POU2F1: variants seen among roughly 807,000 people sequenced by gnomAD.
The protein encoded by POU2F1 is POU class 2 homeobox 1, also known as POU domain, class 2, transcription factor 1.
In POU2F1, 16 loss-of-function variants were observed where a neutral mutation model predicts 84.9. That is an observed-to-expected ratio of 0.19 (90% CI 0.13 to 0.29). POU2F1 has a LOEUF of 0.29. Ranked by LOEUF, POU2F1 falls within the 10% of genes least tolerant of loss-of-function variation. The pLI is 1.00. For missense variants in POU2F1, 738 were observed against 942.6 expected (o/e 0.78, Z 2.84); for synonymous variants, 368 against 368.3 (o/e 1.00, Z 0.01).
rs991447612 is a variant in POU2F1 at position 167,387,619 on chromosome 1, C to G, written c.814-1969C>G. On this transcript the variant is annotated intron_variant, in intron 8 of 15. Transcript: ENST00000367866. Reference sequence around the variant, plus strand: ...TAAAGGTCAGGCTTATATAACTCATCTAAATTTGAAGAAGAAAAATTCACA... The same window carrying G: ...TAAAGGTCAGGCTTATATAACTCATGTAAATTTGAAGAAGAAAAATTCACA... Among the ~76,000 whole-genome samples the G allele has an allele frequency of 4.6e-5, 7 of 152,168 alleles. No individual in the cohort carries two copies. In the East Asian group the frequency reaches 1.3e-3, roughly 29 times the overall value.
intron 7 of POU2F1, among the ~76,000 whole-genome samples, chr1:167,378,304 C>T (rs542243832): frequency 1.7e-4 from 26 of 152,230 alleles, no homozygotes; most frequent in Admixed American, 4.6e-4. Context: ...GGCACGATCT[C>T]GGCCCACCGC....
intron 1 of POU2F1, among the ~76,000 whole-genome samples, chr1:167,276,849 A>G (rs1205134187): frequency 6.6e-6 from 1 of 152,130 alleles, no homozygotes. Flanking sequence ...AGTAGATAGA[A>G]CAAAAAAGAT....
chr1:167,412,346 C>A lies in POU2F1; in HGVS notation c.1901+42C>A. ...TCTCATTCACGTCTGAGGTGGAGGT[C>A]ATCCCTGGAATTACTCACAGGGGAG... is the stretch of plus-strand genomic sequence containing the variant. On this transcript the variant is annotated intron_variant, in intron 14 of 15. Transcript: ENST00000367866. 3 of 1,462,608 alleles carry A rather than the reference C, an allele frequency of 2.1e-6. No individual in the cohort carries two copies. The South Asian group carries it at 4.1e-5, about 20-fold the overall frequency. 90.6% of individuals were successfully genotyped at this position (1,462,608 alleles called of 1,614,324 possible).
intron 1 of POU2F1, among the ~76,000 whole-genome samples, chr1:167,264,392 C>T (rs1213981404): frequency 6.6e-6 from 1 of 151,888 alleles, no homozygotes; most frequent in Non-Finnish European, 1.5e-5. Flanking sequence ...TAGATGACCT[C>T]AAAGGTCAGT....
At chr1:167,238,773 T>G (rs969470342) in intron 1 of POU2F1, among the ~76,000 whole-genome samples, 1 of 152,248 alleles carries the variant, frequency 6.6e-6, no homozygotes, top group Non-Finnish European at 1.5e-5. Flanking sequence ...TAGGGTAGGT[T>G]ATCAAGAAAT....
At chr1:167,315,107 A>G (rs562048031) in intron 1 of POU2F1, among the ~76,000 whole-genome samples, 4 of 152,292 alleles carry the variant, frequency 2.6e-5, no homozygotes, top group South Asian at 2.1e-4. Context: ...AGATGCTGCT[A>G]TGTTGCCTAT....
At chr1:167,341,665 G>GTC (rs1442320972) in intron 2 of POU2F1, among the ~76,000 whole-genome samples, 1 of 152,176 alleles carries the variant, frequency 6.6e-6, no homozygotes, top group African/African-American at 2.4e-5. Context: ...AGGGGTGGGT[G>GTC]TCTGCAACTC....
intron 9 of POU2F1, among the ~76,000 whole-genome samples, chr1:167,390,788 T>C (rs1648342399): frequency 6.6e-6 from 1 of 152,010 alleles, no homozygotes; most frequent in African/African-American, 2.4e-5. Context: ...AGACACTGTC[T>C]CTAAAAAGTA....
rs972292635 is a variant in POU2F1, at chr1:167,421,184, C to G, written c.*5374C>G. On this transcript the variant is annotated 3_prime_UTR_variant, in exon 16 of 16. Coordinates refer to ENST00000367866, the MANE Select transcript of POU2F1 (RefSeq NM_002697.4). ...TCTTTCTCAGCGTTTACAAACTTGG[C>G]TTTTGAGAAGGGAAAAATCCTCTTT... 1.3e-5 allele frequency: 2 copies of G among 152,130 alleles called. No individual in the cohort carries two copies. Among genetic ancestry groups the G allele is most frequent in the Non-Finnish European group, 1.5e-5 (1 of 68,016 alleles). The allele number at this position is 152,130 out of a possible 1,614,324, so 9.4% of individuals were successfully genotyped here.
At chr1:167,360,933 G>GTTTTT (rs1659314986) in intron 2 of POU2F1, among the ~76,000 whole-genome samples, 3 of 151,410 alleles carry the variant, frequency 2.0e-5, no homozygotes, top group Non-Finnish European at 2.9e-5. Context: ...ATTCCTAGCT[G>GTTTTT]GTTTTATTTT....
At chr1:167,375,924 C>T in intron 6 of POU2F1, 105 bp from the exon 7 acceptor site, 3 of 1,365,388 alleles carry the variant, frequency 2.2e-6, no homozygotes, top group Non-Finnish European at 2.0e-6. Flanking sequence ...GAAGTATTTA[C>T]TCTTCTTTAT....
chr1:167,384,372 G>C (rs2101881183), intron 8 of POU2F1, among the ~76,000 whole-genome samples: 1 of 151,894 alleles, frequency 6.6e-6, no homozygotes, highest in Non-Finnish European at 1.5e-5. Flanking sequence ...TGGTGCTTTA[G>C]CTCATTTCTA....
At chr1:167,374,880 A>G (rs554025516) in intron 6 of POU2F1, among the ~76,000 whole-genome samples, 104 of 152,294 alleles carry the variant, frequency 6.8e-4, no homozygotes, top group African/African-American at 2.4e-3. Flanking sequence ...ATACTGGCTA[A>G]CACGGTGAAA....
At chr1:167,308,070 CTT>C (rs1231393962) in intron 1 of POU2F1, among the ~76,000 whole-genome samples, 32 of 138,088 alleles carry the variant, frequency 2.3e-4, no homozygotes, top group Non-Finnish European at 2.9e-4. Context: ...TTATTTGTTT[CTT>C]TTTTTTTTTT....
At chr1:167,332,362 T>C in intron 1 of POU2F1, 108 bp from the exon 2 acceptor site, 1 of 729,342 alleles carries the variant, frequency 1.4e-6, no homozygotes, top group Non-Finnish European at 2.4e-6. Context: ...TCTTAAACTA[T>C]ATGACTATAA....
chr1:167,356,955 C>T (rs1370508083), intron 2 of POU2F1, among the ~76,000 whole-genome samples: 1 of 152,132 alleles, frequency 6.6e-6, no homozygotes, highest in African/African-American at 2.4e-5. Context: ...TGGTGGTGTG[C>T]CCCCAGAAGG....
intron 1 of POU2F1, among the ~76,000 whole-genome samples, chr1:167,267,952 T>A (rs1652099082): frequency 6.6e-6 from 1 of 152,152 alleles, no homozygotes; most frequent in Non-Finnish European, 1.5e-5. Flanking sequence ...ACTGTGTCTT[T>A]TTTAAAATCT....
At chr1:167,378,865 G>C (rs998242249) in intron 7 of POU2F1, among the ~76,000 whole-genome samples, 2 of 151,482 alleles carry the variant, frequency 1.3e-5, no homozygotes, top group African/African-American at 2.4e-5. Context: ...CGATTATCCT[G>C]ACTCAGCCTC....
chr1:167,354,322 C>A (rs1035035717), intron 2 of POU2F1, among the ~76,000 whole-genome samples: 1 of 152,030 alleles, frequency 6.6e-6, no homozygotes, highest in Non-Finnish European at 1.5e-5. Context: ...GACAGAGTCT[C>A]ACTCTGTCAC....
Sources: allele counts gnomAD v4.1 joint callset (sites outside exome capture counted in the v4.1 genomes callset), GRCh38; gene constraint gnomAD v4.1.1; transcripts MANE v1.5; gene names NCBI Gene and HGNC (gene_info 2026-07-23, HGNC 2026-07-21).